The following TEX14 variants were observed in gnomAD, a reference collection of about 807,000 sequenced individuals.
The protein encoded by TEX14 is inactive serine/threonine-protein kinase TEX14.
In TEX14, 168 loss-of-function variants were observed where a neutral mutation model predicts 178.6. The ratio of observed to expected loss-of-function variants is 0.94; its 90% confidence interval spans 0.83 to 1.07. The LOEUF (loss-of-function observed/expected upper bound fraction) is 1.07, where lower values mean the gene tolerates loss of function less well. TEX14 is among the 50% of genes least tolerant of loss of function. The probability of loss-of-function intolerance (pLI) is 0.00; values close to 1 mark genes in which losing one functional copy is unlikely to be tolerated. For missense variants in TEX14, 1,730 were observed against 1,753.6 expected (o/e 0.99, Z 0.24); for synonymous variants, 626 against 634.1 (o/e 0.99, Z 0.19).
Position 58,611,231 on chromosome 17 carries a change from T to G in TEX14, c.1114A>C (p.Ser372Arg), listed in dbSNP as rs2045737803. 1.2e-6 allele frequency: 2 copies of G among 1,613,764 alleles called. No homozygotes were observed. Among genetic ancestry groups the G allele is most frequent in the South Asian group, 2.2e-5 (2 of 91,066 alleles). ...HFQGFIHRSL[S>R]SYAVHIISPG... ...GAGATGATATGGACAGCATAGGAGC[T>G]GAGGGAGCGGTGGATAAACCCCTGG... Residue 372 changes from serine (S) to arginine (R), a missense_variant, in exon 10 of 32, where the codon AGC becomes CGC. By Grantham distance (110) the Ser-to-Arg change is moderately radical (BLOSUM62 -1). Around this residue, in one of 2 missense-constraint regions of TEX14, gnomAD observed 789 missense variants for 681.2 expected, o/e 1.16. Transcript: ENST00000349033.
At chr17:58,654,752 C>T (rs1429944265) in intron 1 of TEX14, among the ~76,000 whole-genome samples, 1 of 151,618 alleles carries the variant, frequency 6.6e-6, no homozygotes, top group African/African-American at 2.4e-5. Flanking sequence ...GGTGATCTGC[C>T]CACCTTGGCC....
Position 58,601,970 on chromosome 17 carries a change from A to T in TEX14, c.1528-14T>A. 1 of 1,612,292 alleles carries T rather than the reference A, an allele frequency of 6.2e-7. No homozygotes were observed. The highest frequency in any genetic ancestry group is 8.5e-7 in the Non-Finnish European group (1 of 1,179,542). On this transcript the variant is annotated splice_polypyrimidine_tract_variant and intron_variant, in intron 12 of 31. Transcript: ENST00000349033. ...TCCAGTAAAATCCTGTAACACAGGA[A>T]ATATTGTCAAGGACATAGTCTCAGT...
intron 1 of TEX14, among the ~76,000 whole-genome samples, chr17:58,660,211 C>G (rs1203360713): frequency 6.6e-6 from 1 of 151,162 alleles, no homozygotes. Flanking sequence ...TCAAGACCAG[C>G]CTGACCAACA....
chr17:58,606,199 A>G (rs1194640701), intron 10 of TEX14, among the ~76,000 whole-genome samples: 1 of 152,228 alleles, frequency 6.6e-6, no homozygotes, highest in Non-Finnish European at 1.5e-5. Context: ...TGGCCCAGCA[A>G]GAGTCCTCAG....
intron 3 of TEX14, among the ~76,000 whole-genome samples, chr17:58,628,369 G>C (rs1185416505): frequency 6.6e-6 from 1 of 151,978 alleles, no homozygotes; most frequent in Admixed American, 6.6e-5. Context: ...ATGAGGTCAA[G>C]AGTTCGAGAC....
rs79033527 is a variant in TEX14 at position 58,599,367 on chromosome 17, T to C, written c.1978A>G (p.Met660Val). The change falls in exon 14 of 32, where the codon ATG (methionine) becomes GTG (valine). Residue 660 changes from methionine (M) to valine (V), a missense_variant. Met to Val is a conservative substitution (Grantham distance 21). Coordinates refer to ENST00000349033, the MANE Select transcript of TEX14 (RefSeq NM_031272.5). ...TCCATCTTATCCAGCTCTTCTTCCA[T>C]GGATTTCAGTTCATCTACCTGGTTA... ...GPNQVDELKSMEEELDKMERE... is the reference protein window; with the variant it reads ...GPNQVDELKSVEEELDKMERE... 5.8e-4 allele frequency: 941 copies of C among 1,614,178 alleles called. 3 individuals carry two copies. The African/African-American group carries it at 0.011, about 19-fold the overall frequency.
intron 1 of TEX14, among the ~76,000 whole-genome samples, chr17:58,664,392 C>T (rs2047172082): frequency 6.6e-6 from 1 of 152,176 alleles, no homozygotes; most frequent in Admixed American, 6.6e-5. Context: ...ACATTGTCTA[C>T]TCCAGTATTT....
chr17:58,571,299 A>G (rs772680826), intron 24 of TEX14, among the ~76,000 whole-genome samples: 2 of 144,732 alleles, frequency 1.4e-5, no homozygotes, highest in Non-Finnish European at 3.0e-5. Flanking sequence ...GTAGTGGTGC[A>G]ATCACAGTTC....
intron 2 of TEX14, among the ~76,000 whole-genome samples, chr17:58,648,776 CTT>C (rs953479856): frequency 7.5e-6 from 1 of 133,244 alleles, no homozygotes. Context: ...CTGTGAATTT[CTT>C]TTTTTTTCTT....
rs767891713 is a variant in TEX14 at position 58,615,248 on chromosome 17, C to T, written c.865G>A (p.Glu289Lys). ...CCTTCTCACCTGCTGTGTTCCTGCT[C>T]GGCAATTAACAAGTCGGCCAGCCGC... is the stretch of plus-strand genomic sequence containing the variant. ...RLRLADLLIA[E>K]QEHSSKLRHP... Residue 289 changes from glutamate to lysine, a missense_variant, in exon 8 of 32, where the codon GAG (glutamate) becomes AAG (lysine). Physicochemically the swap from Glu to Lys is moderately conservative, Grantham distance 56. Coordinates refer to ENST00000349033, the MANE Select transcript of TEX14 (RefSeq NM_031272.5). 25 of 1,611,768 alleles carry T rather than the reference C, an allele frequency of 1.6e-5. No individual in the cohort carries two copies. Among genetic ancestry groups the T allele is most frequent in the East Asian group, 6.7e-5 (3 of 44,854 alleles).
intron 13 of TEX14, 122 bp from the exon 14 acceptor site, chr17:58,599,788 C>A (rs1821945550): frequency 2.6e-6 from 2 of 756,960 alleles, no homozygotes; most frequent in Non-Finnish European, 4.2e-6. Context: ...TATTTTCCCA[C>A]CCCCTTCCCA....
At chr17:58,603,943 G>GTGTGTGTC (rs1201202680) in intron 11 of TEX14, among the ~76,000 whole-genome samples, 1 of 116,008 alleles carries the variant, frequency 8.6e-6, no homozygotes, top group African/African-American at 3.1e-5. Flanking sequence ...GTGTGTGTGT[G>GTGTGTGTC]TGTCTTTCTT....
intron 13 of TEX14, among the ~76,000 whole-genome samples, chr17:58,601,488 C>T (rs1160631064): frequency 6.7e-6 from 1 of 148,478 alleles, no homozygotes; most frequent in Non-Finnish European, 1.5e-5. Context: ...CACCATTGCA[C>T]TCCAGCCTGG....
At chr17:58,685,377 A>G (rs1160884986) in intron 1 of TEX14, among the ~76,000 whole-genome samples, 3 of 150,796 alleles carry the variant, frequency 2.0e-5, no homozygotes, top group Non-Finnish European at 4.4e-5. Context: ...TGGAGGTTGC[A>G]GTGAGCCGAG....
intron 1 of TEX14, among the ~76,000 whole-genome samples, chr17:58,659,111 CAA>C (rs1555582145): frequency 2.0e-5 from 3 of 149,394 alleles, no homozygotes; most frequent in Non-Finnish European, 4.4e-5. Context: ...ACACACGCAA[CAA>C]CACACAAGCC....
chr17:58,612,735 CAAAA>C (rs35618114), intron 9 of TEX14, among the ~76,000 whole-genome samples: 22 of 97,054 alleles, frequency 2.3e-4, no homozygotes, highest in African/African-American at 4.5e-4. Context: ...ACTCTTGTCT[CAAAA>C]AAAAAAAAAA....
chr17:58,652,044 GA>G lies in TEX14; in HGVS notation c.-1-43del, dbSNP rs753580901. The G allele has an allele frequency of 4.4e-5, 63 of 1,434,488 alleles. No homozygotes were observed. In the African/African-American group the frequency reaches 8.7e-4, roughly 20 times the overall value. The allele number at this position is 1,434,488 out of a possible 1,614,324, so 88.9% of individuals were successfully genotyped here. A position where few individuals can be genotyped will look rare whatever the true frequency, so the allele number is the denominator to read the frequency against. On this transcript the variant is annotated intron_variant, in intron 1 of 31. Coordinates refer to ENST00000349033, the MANE Select transcript of TEX14 (RefSeq NM_031272.5). ...CAATATGCTTATTTTAACTGAACCA[GA>G]AATGCAAGGAAACAACTTAATTCTT...
intron 1 of TEX14, among the ~76,000 whole-genome samples, chr17:58,684,321 G>A (rs1328634766): frequency 2.0e-5 from 3 of 151,936 alleles, no homozygotes; most frequent in Admixed American, 6.6e-5. Flanking sequence ...AATTAGTGAG[G>A]CATGGTGGTG....
Position 58,668,103 on chromosome 17 carries a change from C to G in TEX14, c.-1-16101G>C, listed in dbSNP as rs1261155287. ...CACCCCCCAGGTGATATCTGATCAC[C>G]CCAGCCTGTCTTCAGCAAGAATCCT... is the stretch of plus-strand genomic sequence containing the variant. On this transcript the variant is annotated intron_variant, in intron 1 of 31. Coordinates refer to ENST00000349033, the MANE Select transcript of TEX14 (RefSeq NM_031272.5). 2.0e-5 allele frequency among the ~76,000 whole-genome samples: 3 copies of G among 152,058 alleles called. No individual in the cohort carries two copies. In the South Asian group the frequency reaches 6.2e-4, roughly 32 times the overall value.
Sources: gnomAD v4.1 joint callset for allele counts (sites outside exome capture counted in the v4.1 genomes callset) on GRCh38, gnomAD v4.1.1 for gene constraint, gnomAD v4.1.1 regional missense constraint, MANE v1.5 for transcripts, NCBI Gene and HGNC (gene_info 2026-07-23, HGNC 2026-07-21) for gene names.